The following GXYLT2 variants were observed in gnomAD, a reference collection of about 807,000 sequenced individuals.
GXYLT2 encodes the protein glucoside xylosyltransferase 2, also known as glycosyltransferase 8 domain containing 4.
A neutral mutation model predicts 45.8 loss-of-function variants in GXYLT2; 53 were observed. The ratio of observed to expected loss-of-function variants is 1.16; its 90% CI spans 0.93 to 1.46. GXYLT2 has a LOEUF of 1.46. GXYLT2 is among the 40% of genes most tolerant of loss of function. The probability of loss-of-function intolerance (pLI) is 0.00; values close to 1 mark genes in which losing one functional copy is unlikely to be tolerated. For missense variants in GXYLT2, 551 were observed against 544.4 expected (o/e 1.01, Z -0.12); for synonymous variants, 219 against 214.2 (o/e 1.02, Z -0.19).
At chr3:72,965,244 C>G (rs1035976789) in intron 5 of GXYLT2, among the ~76,000 whole-genome samples, 3 of 152,104 alleles carry the variant, frequency 2.0e-5, no homozygotes, top group Admixed American at 6.6e-5. Context: ...AAGACTGAGC[C>G]CTGAAAACAT....
At chr3:72,956,821 T>G (rs1575812560) in intron 4 of GXYLT2, among the ~76,000 whole-genome samples, 1 of 148,442 alleles carries the variant, frequency 6.7e-6, no homozygotes, top group South Asian at 2.1e-4. Context: ...ACCCGGGAGG[T>G]GGAGGTTGCA....
At chr3:72,944,539 C>T (rs142570282) in intron 3 of GXYLT2, among the ~76,000 whole-genome samples, 7 of 152,162 alleles carry the variant, frequency 4.6e-5, no homozygotes, top group East Asian at 1.9e-4. Flanking sequence ...ACACCGCACC[C>T]GGCCCCAGCT....
chr3:72,908,243 A>G, intron 1 of GXYLT2, 124 bp from the exon 2 acceptor site: 1 of 657,042 alleles, frequency 1.5e-6, no homozygotes, highest in Non-Finnish European at 2.5e-6. Flanking sequence ...TTATCACTTT[A>G]TAAAATATAA....
chr3:72,909,715 C>T (rs973646413), intron 2 of GXYLT2, among the ~76,000 whole-genome samples: 5 of 152,290 alleles, frequency 3.3e-5, no homozygotes, highest in African/African-American at 1.2e-4. Context: ...TCTCTTCCCC[C>T]AGCGTAGGTA....
intron 5 of GXYLT2, among the ~76,000 whole-genome samples, chr3:72,965,270 TGG>T (rs1710843697): frequency 6.6e-6 from 1 of 152,216 alleles, no homozygotes; most frequent in South Asian, 2.1e-4. Context: ...GCCTGCCAGA[TGG>T]GATGGGTGAC....
intron 1 of GXYLT2, among the ~76,000 whole-genome samples, chr3:72,907,726 G>T (rs1709538156): frequency 6.6e-6 from 1 of 152,014 alleles, no homozygotes; most frequent in Admixed American, 6.6e-5. Flanking sequence ...ATTTCATACT[G>T]GAAGATGAAT....
chr3:72,922,398 G>C (rs1009795424), intron 3 of GXYLT2, 63 bp downstream of exon 3: 25 of 1,514,914 alleles, frequency 1.7e-5, no homozygotes, highest in Non-Finnish European at 2.0e-5. Flanking sequence ...AATTAGCTGA[G>C]ATGTGTGTAG....
intron 1 of GXYLT2, among the ~76,000 whole-genome samples, chr3:72,893,394 T>C (rs954175825): frequency 3.3e-5 from 5 of 152,320 alleles, no homozygotes; most frequent in African/African-American, 9.6e-5. Context: ...TTTTCAGGAC[T>C]ATGCTCAAAT....
At chr3:72,900,744 A>G (rs1709387507) in intron 1 of GXYLT2, among the ~76,000 whole-genome samples, 1 of 152,160 alleles carries the variant, frequency 6.6e-6, no homozygotes. Context: ...TTGCTATACT[A>G]CCATTACCTG....
chr3:72,944,560 T>TA (rs1438265550), intron 3 of GXYLT2, among the ~76,000 whole-genome samples: 7 of 152,266 alleles, frequency 4.6e-5, no homozygotes, highest in Non-Finnish European at 8.8e-5. Context: ...GTTTGTTTTT[T>TA]ATGTATGTAG....
chr3:72,910,549 C>CA (rs1211519065), intron 2 of GXYLT2, among the ~76,000 whole-genome samples: 2 of 152,186 alleles, frequency 1.3e-5, no homozygotes, highest in East Asian at 3.8e-4. Flanking sequence ...ACAACTCCCC[C>CA]AAAACTCAGA....
intron 3 of GXYLT2, among the ~76,000 whole-genome samples, chr3:72,940,494 G>T (rs1710278101): frequency 1.3e-5 from 2 of 152,182 alleles, no homozygotes; most frequent in African/African-American, 4.8e-5. Context: ...GAGGTTCACT[G>T]TTAATGTTGG....
chr3:72,969,376 G>C lies in GXYLT2; in HGVS notation c.1149+1657G>C, dbSNP rs926834896. On this transcript the variant is annotated intron_variant, in intron 6 of 6. Transcript: ENST00000389617. ...CCACTTCACTCCAGCTTGGGCAACAGAGCAAGACCCTGTCTCAAAAAAAAA... is the reference window on the plus strand; with the variant it reads ...CCACTTCACTCCAGCTTGGGCAACACAGCAAGACCCTGTCTCAAAAAAAAA... Among the ~76,000 whole-genome samples the C allele has an allele frequency of 3.5e-5, 5 of 142,318 alleles. No homozygotes were observed. The Admixed American group carries it at 3.6e-4, about 10-fold the overall frequency. The allele number at this position is 142,318 out of a possible 152,430, so 93.4% of individuals were successfully genotyped here. A position where few individuals can be genotyped will look rare whatever the true frequency, so the allele number is the denominator to read the frequency against.
At position 72,922,302 on chromosome 3, in the gene GXYLT2, C is replaced by T; in HGVS notation, c.567C>T (p.Phe189=). ...VGNPQEWKKL[F]KPCAAQRLFL... Reference sequence around the variant, plus strand: ...ACCCTCAGGAGTGGAAGAAATTGTTCAAACCCTGTGCTGCCCAGAGACTCT... The same window carrying T: ...ACCCTCAGGAGTGGAAGAAATTGTTTAAACCCTGTGCTGCCCAGAGACTCT... The change falls in exon 3 of 7, where the codon TTC becomes TTT. Residue 189 remains phenylalanine (F), a synonymous_variant. Transcript: ENST00000389617. 6.2e-7 allele frequency: 1 copy of T among 1,613,820 alleles called. No homozygotes were observed. Among genetic ancestry groups the T allele is most frequent in the Non-Finnish European group, 8.5e-7 (1 of 1,179,806 alleles).
chr3:72,966,634 C>T (rs1310969437), intron 5 of GXYLT2, among the ~76,000 whole-genome samples: 1 of 101,868 alleles, frequency 9.8e-6, no homozygotes, highest in South Asian at 3.0e-4. Context: ...TTGGTTTGTT[C>T]GTTTTTTTTT....
chr3:72,957,116 T>C, intron 4 of GXYLT2, 113 bp from the exon 5 acceptor site: 1 of 1,092,242 alleles, frequency 9.2e-7, no homozygotes, highest in East Asian at 2.6e-5. Context: ...GGACCCCTCC[T>C]GTATTTGTTT....
intron 3 of GXYLT2, among the ~76,000 whole-genome samples, chr3:72,925,460 C>T (rs970175265): frequency 3.3e-5 from 5 of 152,026 alleles, no homozygotes; most frequent in Admixed American, 2.6e-4. Context: ...CTGGCCACAT[C>T]GTCTGTTCTT....
chr3:72,925,768 A>C (rs988608430), intron 3 of GXYLT2, among the ~76,000 whole-genome samples: 1 of 152,218 alleles, frequency 6.6e-6, no homozygotes, highest in Non-Finnish European at 1.5e-5. Flanking sequence ...TTAAAAAAAA[A>C]CAAATTCATC....
At chr3:72,961,659 C>CAAAAAAA (rs771569626) in intron 5 of GXYLT2, among the ~76,000 whole-genome samples, 2 of 94,804 alleles carry the variant, frequency 2.1e-5, no homozygotes, top group Non-Finnish European at 4.1e-5. Flanking sequence ...GAATTCTTAG[C>CAAAAAAA]AAAAAAAAAA....
Sources: gnomAD v4.1 joint callset for allele counts (sites outside exome capture counted in the v4.1 genomes callset) on GRCh38, gnomAD v4.1.1 for gene constraint, MANE v1.5 for transcripts, NCBI Gene and HGNC (gene_info 2026-07-23, HGNC 2026-07-21) for gene names.